Variants in CPA6 observed in about 807,000 individuals in gnomAD.
The protein encoded by CPA6 is carboxypeptidase A6, also known as carboxypeptidase B.
Under a neutral mutation model 63.3 loss-of-function variants are expected in CPA6, and 58 were observed. That is an observed-to-expected ratio of 0.92 (90% confidence interval 0.74 to 1.14). The LOEUF is 1.14. Ranked by LOEUF, CPA6 falls within the 50% of genes most tolerant of loss-of-function variation. The probability of loss-of-function intolerance (pLI) is 0.00; values close to 1 mark genes in which losing one functional copy is unlikely to be tolerated. For synonymous variants in CPA6, 185 were observed against 179.0 expected (o/e 1.03, Z -0.27); for missense variants, 565 against 526.6 (o/e 1.07, Z -0.71).
At chr8:67,428,522 C>A (rs139475889) in intron 9 of CPA6, among the ~76,000 whole-genome samples, 1 of 151,990 alleles carries the variant, frequency 6.6e-6, no homozygotes, top group Non-Finnish European at 1.5e-5. Context: ...CTCGCTCTGT[C>A]GCCCAGGCTG....
At chr8:67,739,153 G>T (rs1038679702) in intron 1 of CPA6, among the ~76,000 whole-genome samples, 1 of 152,200 alleles carries the variant, frequency 6.6e-6, no homozygotes, top group African/African-American at 2.4e-5. Flanking sequence ...CCTTCTACTA[G>T]CTCAGTGGGC....
intron 2 of CPA6, among the ~76,000 whole-genome samples, chr8:67,604,504 T>C (rs1814576607): frequency 6.6e-6 from 1 of 152,216 alleles, no homozygotes; most frequent in African/African-American, 2.4e-5. Context: ...TACGTTTCCC[T>C]ACAACCATGA....
In CPA6 at chr8:67,710,517, A is replaced by C. The variant is rs200155376; in HGVS notation, c.116+35497T>G. Among the ~76,000 whole-genome samples the C allele has an allele frequency of 2.6e-5, 4 of 151,084 alleles. No individual in the cohort carries two copies. In the East Asian group the frequency reaches 7.9e-4, roughly 30 times the overall value. Reference sequence around the variant, plus strand: ...TATTTTTTTCTGTCTGCTATCTGGCATGTGATGTTATACCAGAGTCAGGTT... The same window carrying C: ...TATTTTTTTCTGTCTGCTATCTGGCCTGTGATGTTATACCAGAGTCAGGTT... On this transcript the variant is annotated intron_variant, in intron 1 of 10. Transcript: ENST00000297770.
At chr8:67,593,335 G>A (rs1162477557) in intron 2 of CPA6, among the ~76,000 whole-genome samples, 2 of 151,672 alleles carry the variant, frequency 1.3e-5, no homozygotes, top group Non-Finnish European at 2.9e-5. Flanking sequence ...TAGGTGTGGT[G>A]TGGTGCTGAA....
At chr8:67,492,807 T>A (rs1811635667) in intron 6 of CPA6, among the ~76,000 whole-genome samples, 1 of 152,146 alleles carries the variant, frequency 6.6e-6, no homozygotes, top group African/African-American at 2.4e-5. Context: ...TGCAATGGAT[T>A]TCAGTTTAGT....
chr8:67,734,655 G>A (rs1382874668), intron 1 of CPA6, among the ~76,000 whole-genome samples: 1 of 152,062 alleles, frequency 6.6e-6, no homozygotes, highest in Non-Finnish European at 1.5e-5. Flanking sequence ...TTGCTATACA[G>A]GCTCATCCCA....
intron 8 of CPA6, among the ~76,000 whole-genome samples, chr8:67,463,970 A>G (rs550553590): frequency 1.3e-5 from 2 of 152,318 alleles, no homozygotes; most frequent in South Asian, 4.1e-4. Context: ...ATAGTGCTTC[A>G]ATGAACACGC....
Position 67,677,173 on chromosome 8 carries a change from G to A in CPA6, c.117-52922C>T, listed in dbSNP as rs146332651. 7.2e-5 allele frequency among the ~76,000 whole-genome samples: 11 copies of A among 152,212 alleles called. No individual in the cohort carries two copies. In the East Asian group the frequency reaches 7.7e-4, roughly 11 times the overall value. ...GGAATCTGCCAATATAATTCTTGCC[G>A]TGTCACAGCAGGTATTTATATACTG... On this transcript the variant is annotated intron_variant, in intron 1 of 10. Transcript: ENST00000297770.
intron 1 of CPA6, among the ~76,000 whole-genome samples, chr8:67,639,411 T>C (rs1815539612): frequency 6.6e-6 from 1 of 151,524 alleles, no homozygotes; most frequent in African/African-American, 2.4e-5. Flanking sequence ...GGTATGTGAA[T>C]GAATGTGGGG....
chr8:67,711,115 AT>A (rs984078695), intron 1 of CPA6, among the ~76,000 whole-genome samples: 2 of 152,184 alleles, frequency 1.3e-5, no homozygotes, highest in African/African-American at 2.4e-5. Flanking sequence ...CAGACACCCA[AT>A]TCTTTCTGCT....
intron 2 of CPA6, among the ~76,000 whole-genome samples, chr8:67,605,179 C>A (rs1378619085): frequency 6.6e-6 from 1 of 151,782 alleles, no homozygotes; most frequent in African/African-American, 2.4e-5. Context: ...GTTGTGTCCT[C>A]ACAATACCAT....
chr8:67,482,000 G>A (rs1338779608), intron 8 of CPA6, among the ~76,000 whole-genome samples: 1 of 152,222 alleles, frequency 6.6e-6, no homozygotes, highest in African/African-American at 2.4e-5. Flanking sequence ...TTGAGTGTTG[G>A]CTCACAGAAA....
chr8:67,548,025 C>T (rs1232732145), intron 2 of CPA6, among the ~76,000 whole-genome samples: 1 of 152,016 alleles, frequency 6.6e-6, no homozygotes, highest in East Asian at 1.9e-4. Context: ...AATAGAGTTA[C>T]CAGATTCTTG....
chr8:67,451,152 C>T (rs1418201411), intron 8 of CPA6, among the ~76,000 whole-genome samples: 3 of 152,132 alleles, frequency 2.0e-5, no homozygotes, highest in African/African-American at 7.2e-5. Flanking sequence ...GGGTCCCTAA[C>T]CCCTGGGCCA....
At chr8:67,713,099 G>GTGTGTATATA (rs1328463977) in intron 1 of CPA6, among the ~76,000 whole-genome samples, 12 of 55,032 alleles carry the variant, frequency 2.2e-4, no homozygotes, top group African/African-American at 7.4e-4. Context: ...GTGTGTGTGT[G>GTGTGTATATA]TATATATATA....
chr8:67,471,502 CATT>C (rs1206451724), intron 8 of CPA6, among the ~76,000 whole-genome samples: 1 of 151,878 alleles, frequency 6.6e-6, no homozygotes, highest in East Asian at 1.9e-4. Flanking sequence ...ATACTCCTAA[CATT>C]AGTGTTGTTT....
At chr8:67,564,953 T>G (rs1369124923) in intron 2 of CPA6, among the ~76,000 whole-genome samples, 2 of 152,184 alleles carry the variant, frequency 1.3e-5, no homozygotes, top group Non-Finnish European at 2.9e-5. Flanking sequence ...TGTCAAAACA[T>G]GCTTACTGAA....
chr8:67,641,561 G>A (rs954396050), intron 1 of CPA6, among the ~76,000 whole-genome samples: 2 of 152,168 alleles, frequency 1.3e-5, no homozygotes, highest in Non-Finnish European at 2.9e-5. Flanking sequence ...TGTAACAAAG[G>A]TATAAGCTAA....
intron 1 of CPA6, among the ~76,000 whole-genome samples, chr8:67,725,824 G>T (rs1047608072): frequency 6.6e-6 from 1 of 152,100 alleles, no homozygotes; most frequent in Non-Finnish European, 1.5e-5. Context: ...GATAACATGC[G>T]TAAGCCACCA....
Sources: allele counts gnomAD v4.1 joint callset (sites outside exome capture counted in the v4.1 genomes callset), GRCh38; gene constraint gnomAD v4.1.1; transcripts MANE v1.5; gene names NCBI Gene and HGNC (gene_info 2026-07-23, HGNC 2026-07-21).